The following SEMA5A variants were observed in gnomAD, a reference collection of about 807,000 sequenced individuals.
SEMA5A encodes semaphorin 5A, also known as semaphorin-5A.
SEMA5A carries 55 observed loss-of-function variants against 135.5 expected under a neutral mutation model. The observed-to-expected ratio is 0.41, with a 90% CI of 0.33 to 0.51. The LOEUF is 0.51. Among genes scored for constraint, SEMA5A ranks in the 20% least tolerant of loss-of-function variants. The pLI, the probability that SEMA5A is intolerant of heterozygous loss-of-function variation, is 0.37. For synonymous variants in SEMA5A, 580 were observed against 546.5 expected (o/e 1.06, Z -0.85); for missense variants, 1,290 against 1,419.9 (o/e 0.91, Z 1.47).
At chr5:9,244,234 A>G (rs1748363372) in intron 5 of SEMA5A, among the ~76,000 whole-genome samples, 1 of 152,230 alleles carries the variant, frequency 6.6e-6, no homozygotes, top group African/African-American at 2.4e-5. Context: ...CTGAAGACCC[A>G]TCACTTCTAT....
intron 8 of SEMA5A, among the ~76,000 whole-genome samples, chr5:9,209,840 C>T (rs1421373261): frequency 1.3e-5 from 2 of 152,098 alleles, no homozygotes; most frequent in South Asian, 2.1e-4. Context: ...TAAATCTGGG[C>T]ATTTTAGAAA....
intron 8 of SEMA5A, among the ~76,000 whole-genome samples, chr5:9,224,434 G>T (rs1747179132): frequency 6.6e-6 from 1 of 151,976 alleles, no homozygotes; most frequent in South Asian, 2.1e-4. Context: ...TCTATAAGTG[G>T]TCATATCAAC....
intron 1 of SEMA5A, among the ~76,000 whole-genome samples, chr5:9,514,506 A>G (rs1736399235): frequency 6.6e-6 from 1 of 152,212 alleles, no homozygotes; most frequent in Non-Finnish European, 1.5e-5. Flanking sequence ...CAAAATCCAC[A>G]GATGCTCATG....
intron 8 of SEMA5A, 123 bp from the exon 9 acceptor site, chr5:9,202,363 G>T: frequency 5.2e-6 from 5 of 953,702 alleles, no homozygotes; most frequent in South Asian, 1.7e-5. Context: ...GTTCCTATAG[G>T]ACTATTGGGA....
chr5:9,068,918 A>C (rs1005158370), intron 16 of SEMA5A, among the ~76,000 whole-genome samples: 2 of 152,208 alleles, frequency 1.3e-5, no homozygotes, highest in Non-Finnish European at 2.9e-5. Context: ...CACATGGGGT[A>C]GAAGTGCAGA....
chr5:9,384,713 TAGACAGAC>T (rs72287146), intron 2 of SEMA5A, among the ~76,000 whole-genome samples: 13,274 of 100,398 alleles, frequency 0.13, 1,604 homozygotes, highest in Admixed American at 0.2. Context: ...GATAGATAGA[TAGACAGAC>T]AGACAGACAG....
At chr5:9,402,809 C>G (rs2126573494) in intron 2 of SEMA5A, among the ~76,000 whole-genome samples, 1 of 152,326 alleles carries the variant, frequency 6.6e-6, no homozygotes, top group East Asian at 1.9e-4. Flanking sequence ...TTGCCCCAGC[C>G]AGTATCCTGG....
chr5:9,206,618 C>A (rs1008703218), intron 8 of SEMA5A, among the ~76,000 whole-genome samples: 1 of 151,986 alleles, frequency 6.6e-6, no homozygotes, highest in Non-Finnish European at 1.5e-5. Context: ...TTGAGCAGAT[C>A]TTTAATAGGT....
intron 5 of SEMA5A, among the ~76,000 whole-genome samples, chr5:9,313,099 T>C (rs531850024): frequency 1.3e-5 from 2 of 152,210 alleles, no homozygotes; most frequent in South Asian, 4.2e-4. Context: ...GACAATGCAG[T>C]GGGGTCTCCA....
chr5:9,238,033 C>G (rs932127602), intron 5 of SEMA5A, 143 bp from the exon 6 acceptor site: 2 of 681,398 alleles, frequency 2.9e-6, no homozygotes, highest in African/African-American at 3.6e-5. Context: ...ATAGAATTTA[C>G]ACCAAATACA....
At chr5:9,272,350 C>T (rs993978529) in intron 5 of SEMA5A, among the ~76,000 whole-genome samples, 1 of 152,138 alleles carries the variant, frequency 6.6e-6, no homozygotes, top group Non-Finnish European at 1.5e-5. Flanking sequence ...GAAAAACATG[C>T]AGCAGCCCCA....
chr5:9,141,833 C>T (rs560565507), intron 12 of SEMA5A, among the ~76,000 whole-genome samples: 2 of 152,134 alleles, frequency 1.3e-5, no homozygotes, highest in Admixed American at 1.3e-4. Flanking sequence ...TTCCTCGTGC[C>T]TATTAGATTA....
At chr5:9,418,469 A>G (rs1757358396) in intron 2 of SEMA5A, among the ~76,000 whole-genome samples, 1 of 152,212 alleles carries the variant, frequency 6.6e-6, no homozygotes, top group African/African-American at 2.4e-5. Flanking sequence ...AAAGGCAAAT[A>G]CTACATTTTC....
At chr5:9,152,160 A>C (rs913943578) in intron 12 of SEMA5A, among the ~76,000 whole-genome samples, 2 of 152,086 alleles carry the variant, frequency 1.3e-5, no homozygotes, top group Admixed American at 6.5e-5. Context: ...TAAGCCATGC[A>C]CTCCCATTCT....
intron 3 of SEMA5A, among the ~76,000 whole-genome samples, chr5:9,352,345 T>G (rs947439361): frequency 6.2e-5 from 9 of 144,006 alleles, no homozygotes; most frequent in African/African-American, 8.7e-5. Flanking sequence ...TATCCATCTA[T>G]CTAGCTATCT....
rs779410603 is a variant in SEMA5A at position 9,306,057 on chromosome 5, T to G, written c.270+12315A>C. 1.5e-3 allele frequency among the ~76,000 whole-genome samples: 234 copies of G among 152,228 alleles called. 4 individuals are homozygous for G. The highest frequency in any genetic ancestry group is 2.0e-3 in the Non-Finnish European group (137 of 68,048). ...CTCTGAAGGTTATGTCTTTTTCTGT[T>G]ACTTGATTATTTTTAAGATTTATCC... is the stretch of plus-strand genomic sequence containing the variant. On this transcript the variant is annotated intron_variant, in intron 5 of 22. Coordinates refer to ENST00000382496, the MANE Select transcript of SEMA5A (RefSeq NM_003966.3).
intron 9 of SEMA5A, among the ~76,000 whole-genome samples, chr5:9,197,785 T>TGTGTGTGTA (rs1561011433): frequency 1.7e-5 from 2 of 117,860 alleles, no homozygotes; most frequent in Admixed American, 9.6e-5. Context: ...TGTGTGTGTG[T>TGTGTGTGTA]TTTAACCCAG....
At chr5:9,304,725 T>G (rs1284552214) in intron 5 of SEMA5A, among the ~76,000 whole-genome samples, 1 of 152,194 alleles carries the variant, frequency 6.6e-6, no homozygotes, top group Non-Finnish European at 1.5e-5. Context: ...CATAGATGCA[T>G]GCTCCCTCCC....
intron 16 of SEMA5A, among the ~76,000 whole-genome samples, chr5:9,073,124 A>G (rs1322693678): frequency 1.3e-5 from 2 of 152,152 alleles, no homozygotes; most frequent in African/African-American, 4.8e-5. Context: ...AACCAGACAA[A>G]GACAGAAAGA....
Sources: gnomAD v4.1 joint callset for allele counts (sites outside exome capture counted in the v4.1 genomes callset) on GRCh38, gnomAD v4.1.1 for gene constraint, MANE v1.5 for transcripts, NCBI Gene and HGNC (gene_info 2026-07-23, HGNC 2026-07-21) for gene names.